The following RIPOR3 variants were observed in gnomAD, a reference collection of about 807,000 sequenced individuals.
RIPOR3 encodes RIPOR family member 3, also known as family with sequence similarity 65 member C.
Under a neutral mutation model 114.3 loss-of-function variants are expected in RIPOR3, and 95 were observed. The observed-to-expected ratio is 0.83, with a 90% CI of 0.70 to 0.99. The LOEUF is 0.99. Ranked by LOEUF, RIPOR3 falls within the 50% of genes least tolerant of loss-of-function variation. RIPOR3 has a pLI of 0.00. For missense variants in RIPOR3, 1,252 were observed against 1,266.9 expected (o/e 0.99, Z 0.18); for synonymous variants, 575 against 543.8 (o/e 1.06, Z -0.80).
rs750124303 is a variant in RIPOR3 at position 50,595,343 on chromosome 20, CCCCTGGGTGG to C, written c.2050+16_2050+25del. ...GTCCCCGTGCCGCTCACATAGGCAG[CCCCTGGGTGG>C]CAGGCAGCTACTTACTCTCTTCAAT... On this transcript the variant is annotated intron_variant, in intron 16 of 21. Transcript: ENST00000327979. 1.2e-6 allele frequency: 2 copies of C among 1,607,866 alleles called. No individual in the cohort carries two copies. The highest frequency in any genetic ancestry group is 2.2e-5 in the South Asian group (2 of 90,924).
chr20:50,671,456 A>G (rs1021565902), intron 1 of RIPOR3, among the ~76,000 whole-genome samples: 1 of 144,564 alleles, frequency 6.9e-6, no homozygotes, highest in African/African-American at 2.5e-5. Flanking sequence ...ACACACACAC[A>G]CACATAACTT....
In RIPOR3 at chr20:50,587,174, C is replaced by T; in HGVS notation, c.*58G>A. Reference sequence around the variant, plus strand: ...CATTACCCAGAGTGCAGGCTATGTCCAGGCTGGGCAGCAGCAAAAAAAACG... The same window carrying T: ...CATTACCCAGAGTGCAGGCTATGTCTAGGCTGGGCAGCAGCAAAAAAAACG... On this transcript the variant is annotated 3_prime_UTR_variant, in exon 22 of 22. Transcript: ENST00000327979. 4 of 1,355,424 alleles carry T rather than the reference C, an allele frequency of 3.0e-6. No homozygotes were observed. The highest frequency in any genetic ancestry group is 4.2e-6 in the Non-Finnish European group (4 of 948,972). 84.0% of individuals were successfully genotyped at this position (1,355,424 alleles called of 1,614,324 possible).
At chr20:50,662,361 T>C (rs2086025519) in intron 1 of RIPOR3, 1 of 152,336 alleles carries the variant, frequency 6.6e-6, no homozygotes, top group Non-Finnish European at 1.5e-5. Flanking sequence ...CACTTGAGGC[T>C]TACGGCCACG....
chr20:50,620,628 AAAAT>A (rs146738887), intron 2 of RIPOR3: 7,439 of 162,556 alleles, frequency 0.046, 221 homozygotes, highest in Admixed American at 0.067. Flanking sequence ...CTCAGTCTTA[AAAAT>A]AAATAAATAA....
intron 1 of RIPOR3, among the ~76,000 whole-genome samples, chr20:50,640,003 T>C (rs1309787974): frequency 1.3e-5 from 2 of 150,464 alleles, no homozygotes; most frequent in Non-Finnish European, 3.0e-5. Context: ...GGACCTGGGC[T>C]GGAGGGTTCA....
At position 50,609,673 on chromosome 20, in the gene RIPOR3, C is replaced by A; in HGVS notation, c.476G>T (p.Gly159Val). ...GAAGGCCCGCTGCATGCTGGAGGCGCCGTCGCGCAGGCGGCACTGGATGCA... is the reference window on the plus strand; with the variant it reads ...GAAGGCCCGCTGCATGCTGGAGGCGACGTCGCGCAGGCGGCACTGGATGCA... The part of the protein sequence containing the change: ...DYCIQCRLRD[G>V]ASSMQRAFAR... The change falls in exon 7 of 22, where the codon GGC becomes GTC. Residue 159 changes from glycine (G) to valine (V), a missense_variant. Gly to Val is a moderately radical substitution (Grantham distance 109). Transcript: ENST00000327979. 1 of 1,392,878 alleles carries A rather than the reference C, an allele frequency of 7.2e-7. No homozygotes were observed. Among genetic ancestry groups the A allele is most frequent in the Non-Finnish European group, 9.3e-7 (1 of 1,074,064 alleles). The allele number at this position is 1,392,878 out of a possible 1,614,324, so 86.3% of individuals were successfully genotyped here. A position where few individuals can be genotyped will look rare whatever the true frequency, so the allele number is the denominator to read the frequency against.
chr20:50,666,183 A>ATTTCTTTTCTTTTCTTCT (rs2086191025), intron 1 of RIPOR3, among the ~76,000 whole-genome samples: 8 of 43,734 alleles, frequency 1.8e-4, no homozygotes, highest in African/African-American at 3.8e-4. Context: ...AAGGACACCC[A>ATTTCTTTTCTTTTCTTCT]TTTCTTTTCT....
At chr20:50,632,701 G>A (rs959207130) in intron 1 of RIPOR3, among the ~76,000 whole-genome samples, 2 of 152,214 alleles carry the variant, frequency 1.3e-5, no homozygotes, top group Non-Finnish European at 2.9e-5. Flanking sequence ...TGTAAATTAT[G>A]AAATCCATAC....
chr20:50,667,097 C>G (rs1406871126), intron 1 of RIPOR3, among the ~76,000 whole-genome samples: 1 of 151,982 alleles, frequency 6.6e-6, no homozygotes, highest in Non-Finnish European at 1.5e-5. Flanking sequence ...GCTAAATTTT[C>G]TTTTTAAAGC....
At chr20:50,595,339 G>A (rs1205969252) in intron 16 of RIPOR3, 30 bp downstream of exon 16, 1 of 1,605,444 alleles carries the variant, frequency 6.2e-7, no homozygotes, top group East Asian at 2.2e-5. Flanking sequence ...GCTCACATAG[G>A]CAGCCCCTGG....
intron 19 of RIPOR3, among the ~76,000 whole-genome samples, chr20:50,591,444 G>T (rs994604422): frequency 2.6e-5 from 4 of 152,156 alleles, no homozygotes; most frequent in African/African-American, 7.2e-5. Context: ...TTGGGCTTGG[G>T]TTATGGGTGC....
chr20:50,683,269 C>T (rs941286535), intron 1 of RIPOR3, among the ~76,000 whole-genome samples: 2 of 152,142 alleles, frequency 1.3e-5, no homozygotes, highest in East Asian at 1.9e-4. Flanking sequence ...GAAAAGAGTT[C>T]GGAAGTTGAT....
chr20:50,600,076 T>C (rs1253547185), intron 13 of RIPOR3, among the ~76,000 whole-genome samples: 1 of 152,180 alleles, frequency 6.6e-6, no homozygotes, highest in East Asian at 1.9e-4. Flanking sequence ...AATTCTTTTG[T>C]CTTTTTAGTA....
At chr20:50,656,735 T>A (rs1000933074) in intron 1 of RIPOR3, among the ~76,000 whole-genome samples, 5 of 152,142 alleles carry the variant, frequency 3.3e-5, no homozygotes, top group African/African-American at 1.2e-4. Context: ...CCTGACCTCA[T>A]GATCCGCCCA....
At chr20:50,607,238 C>A (rs890116190) in intron 11 of RIPOR3, among the ~76,000 whole-genome samples, 2 of 152,102 alleles carry the variant, frequency 1.3e-5, no homozygotes, top group Non-Finnish European at 2.9e-5. Context: ...CGGTTCAGAC[C>A]CCTTGTCTGT....
At chr20:50,605,784 A>T (rs1286733328) in intron 11 of RIPOR3, among the ~76,000 whole-genome samples, 1 of 151,014 alleles carries the variant, frequency 6.6e-6, no homozygotes, top group Non-Finnish European at 1.5e-5. Flanking sequence ...ATCTCAAAAA[A>T]AAAGAAAAAA....
chr20:50,643,712 T>C (rs142755805), intron 1 of RIPOR3, among the ~76,000 whole-genome samples: 44,991 of 144,232 alleles, frequency 0.31, 7,366 homozygotes, highest in African/African-American at 0.44. Flanking sequence ...CTTTCTTTTT[T>C]TTTTTTTTTT....
chr20:50,592,316 G>T, intron 19 of RIPOR3, 28 bp downstream of exon 19: 2 of 1,525,116 alleles, frequency 1.3e-6, no homozygotes, highest in African/African-American at 1.4e-5. Flanking sequence ...CTGTGGCCAG[G>T]GTCTGCCACC....
intron 11 of RIPOR3, among the ~76,000 whole-genome samples, chr20:50,607,397 A>G (rs1261611814): frequency 3.3e-5 from 5 of 152,182 alleles, no homozygotes; most frequent in African/African-American, 1.2e-4. Context: ...TTGCACTCGG[A>G]GTAGGTAGGT....
Sources: allele counts gnomAD v4.1 joint callset (sites outside exome capture counted in the v4.1 genomes callset), GRCh38; gene constraint gnomAD v4.1.1; transcripts MANE v1.5; gene names NCBI Gene and HGNC (gene_info 2026-07-23, HGNC 2026-07-21).